Variants in EPN2 observed in about 807,000 individuals in gnomAD.
The protein encoded by EPN2 is epsin 2, also known as epsin-2.
Under a neutral mutation model 61.7 loss-of-function variants are expected in EPN2, and 34 were observed. The observed-to-expected ratio is 0.55, with a 90% CI of 0.42 to 0.73. The LOEUF (loss-of-function observed/expected upper bound fraction) is 0.73. Among genes scored for constraint, EPN2 ranks in the 30% least tolerant of loss-of-function variants. EPN2 has a pLI of 0.00. For synonymous variants in EPN2, 349 were observed against 353.6 expected, an observed-to-expected ratio of 0.99 and a Z score of 0.15; for missense variants, 714 against 839.2, an observed-to-expected ratio of 0.85 and a Z score of 1.84.
Position 19,313,264 on chromosome 17 carries a change from C to T in EPN2, c.1132C>T (p.Pro378Ser). ...GPAAPASTSD[P>S]WPSFGTKPAA... ...AGCGGCTCCTGCGAGTACTTCAGAC[C>T]CCTGGCCATCGTTTGGTAAAGACCC... The change falls in exon 7 of 11, where the codon CCC becomes TCC. Residue 378 changes from proline to serine, a missense_variant. Transcript: ENST00000314728. The T allele has an allele frequency of 6.5e-7, 1 of 1,547,092 alleles. No individual in the cohort carries two copies. Among genetic ancestry groups the T allele is most frequent in the East Asian group, 2.3e-5 (1 of 42,970 alleles).
chr17:19,283,134 TA>T lies in EPN2; in HGVS notation c.16del (p.Ile6SerfsTer5). 1 of 1,607,044 alleles carries T rather than the reference TA, an allele frequency of 6.2e-7. No individual in the cohort carries two copies. The highest frequency in any genetic ancestry group is 8.5e-7 in the Non-Finnish European group (1 of 1,177,120). ...AGAAAATAAAAATGACGACTTCGTC[TA>T]TCAGACGGCAGATGAAAAACATCGT... MTTSS[I>X]RRQMKNIVNN... On this transcript the variant is annotated frameshift_variant, in exon 3 of 11. Transcript: ENST00000314728. LOFTEE classifies it high-confidence loss of function. This position sits in a 1 kb window ranked among gnomAD's most constrained non-coding sequence, Gnocchi z 7.0.
intron 4 of EPN2, among the ~76,000 whole-genome samples, chr17:19,298,127 G>A (rs2045539262): frequency 6.6e-6 from 1 of 151,664 alleles, no homozygotes; most frequent in South Asian, 2.1e-4. Context: ...GCCCTCCTCG[G>A]CCTCCCAAAG....
At chr17:19,244,140 G>A (rs2044918368) in intron 1 of EPN2, among the ~76,000 whole-genome samples, 1 of 152,164 alleles carries the variant, frequency 6.6e-6, no homozygotes, top group Admixed American at 6.6e-5. Context: ...CATCATGTAA[G>A]AAGTTTACTG....
At chr17:19,271,156 CA>C (rs748224637) in intron 1 of EPN2, among the ~76,000 whole-genome samples, 7 of 151,220 alleles carry the variant, frequency 4.6e-5, no homozygotes, top group Non-Finnish European at 8.8e-5. Context: ...GCCTTGGTCT[CA>C]GGGGGGTGGT....
intron 7 of EPN2, among the ~76,000 whole-genome samples, chr17:19,327,102 C>T (rs957564428): frequency 1.3e-5 from 2 of 152,204 alleles, no homozygotes; most frequent in Non-Finnish European, 2.9e-5. Flanking sequence ...CTGGATGGAA[C>T]ATAAACTCGT....
Position 19,283,444 on chromosome 17 carries a change from T to G in EPN2, c.325T>G (p.Phe109Val). 6.2e-7 allele frequency: 1 copy of G among 1,614,156 alleles called. No individual in the cohort carries two copies. Among genetic ancestry groups the G allele is most frequent in the Non-Finnish European group, 8.5e-7 (1 of 1,180,018 alleles). Residue 109 changes from phenylalanine to valine, a missense_variant, in exon 3 of 11, where the codon TTC (phenylalanine) becomes GTC (valine). By Grantham distance (50) the Phe-to-Val change is conservative. Around this residue, in one of 2 missense-constraint regions of EPN2, gnomAD observed 304 missense variants for 417.4 expected, o/e 0.73. Coordinates refer to ENST00000314728, the MANE Select transcript of EPN2 (RefSeq NM_014964.5). This position sits in a 1 kb window ranked among gnomAD's most constrained non-coding sequence, Gnocchi z 7.0. The stretch of plus-strand genomic sequence containing the variant: ...CTTCGCCATCCAGACCCTGAAGGAC[T>G]TCCAGTACATTGACCGAGATGGCAA... ...NIFAIQTLKD[F>V]QYIDRDGKDQ...
rs1163743678 is a variant in EPN2, at chr17:19,335,562, G to T, written c.*1308G>T. 6 of 1,332,158 alleles carry T rather than the reference G, an allele frequency of 4.5e-6. No homozygotes were observed. The highest frequency in any genetic ancestry group is 2.3e-5 in the Admixed American group (1 of 43,506). 82.5% of individuals were successfully genotyped at this position (1,332,158 alleles called of 1,614,324 possible). A position where few individuals can be genotyped will look rare whatever the true frequency, so the allele number is the denominator to read the frequency against. On this transcript the variant is annotated 3_prime_UTR_variant, in exon 11 of 11. Coordinates refer to ENST00000314728, the MANE Select transcript of EPN2 (RefSeq NM_014964.5). ...GGCAGTTGTCCCGAGGGCGTGGGGT[G>T]GGGGGTGCTTCTGTGCCCACGGGTC... is the stretch of plus-strand genomic sequence containing the variant.
intron 1 of EPN2, among the ~76,000 whole-genome samples, chr17:19,248,912 G>A (rs2044982173): frequency 6.6e-6 from 1 of 152,216 alleles, no homozygotes; most frequent in African/African-American, 2.4e-5. Context: ...TGTGAGTCGA[G>A]TCTTGAAGGA....
intron 1 of EPN2, among the ~76,000 whole-genome samples, chr17:19,278,501 A>C (rs950345522): frequency 6.6e-6 from 1 of 152,174 alleles, no homozygotes; most frequent in Non-Finnish European, 1.5e-5. Flanking sequence ...AGACTTACTC[A>C]CTATCACAGG....
chr17:19,245,199 T>C (rs2044931623), intron 1 of EPN2, among the ~76,000 whole-genome samples: 1 of 152,152 alleles, frequency 6.6e-6, no homozygotes, highest in Non-Finnish European at 1.5e-5. Flanking sequence ...AGGGCTACCC[T>C]AGATGGCTTG....
intron 7 of EPN2, among the ~76,000 whole-genome samples, chr17:19,327,203 G>A (rs144289612): frequency 2.4e-4 from 37 of 152,256 alleles, no homozygotes; most frequent in African/African-American, 7.9e-4. Flanking sequence ...ACAAGAACAA[G>A]CAGCAAAACC....
chr17:19,253,065 C>T (rs1447234970), intron 1 of EPN2, among the ~76,000 whole-genome samples: 1 of 152,184 alleles, frequency 6.6e-6, no homozygotes, highest in African/African-American at 2.4e-5. Context: ...TGTTGTGCCA[C>T]TATCTAGTTT....
intron 1 of EPN2, among the ~76,000 whole-genome samples, chr17:19,265,127 T>C (rs753133267): frequency 6.6e-6 from 1 of 152,074 alleles, no homozygotes; most frequent in Non-Finnish European, 1.5e-5. Flanking sequence ...GCATGGTGGC[T>C]CACACTTACA....
intron 1 of EPN2, among the ~76,000 whole-genome samples, chr17:19,253,506 C>G (rs1415824192): frequency 6.7e-6 from 1 of 149,774 alleles, no homozygotes; most frequent in Non-Finnish European, 1.5e-5. Context: ...CCTTGACTTC[C>G]TGGGCTCAAG....
intron 1 of EPN2, among the ~76,000 whole-genome samples, chr17:19,278,586 G>C (rs1420578706): frequency 6.6e-6 from 1 of 152,150 alleles, no homozygotes; most frequent in Non-Finnish European, 1.5e-5. Context: ...TGGGAATTCT[G>C]GGAGACACAA....
At chr17:19,328,554 C>T (rs1907005259) in intron 7 of EPN2, among the ~76,000 whole-genome samples, 157 bp from the exon 8 acceptor site, 2 of 152,018 alleles carry the variant, frequency 1.3e-5, no homozygotes, top group Admixed American at 6.5e-5. Context: ...CCAGCTGTGT[C>T]CCTCTTTGCT....
rs558731234 is a variant in EPN2, at chr17:19,250,849, T to C, written c.-294+13318T>C. ...ACCCTGCTACTTGCCCCCCTGCACC[T>C]CCCCCCTCACTTACTGCCTCTATAC... On this transcript the variant is annotated intron_variant, in intron 1 of 10. Transcript: ENST00000314728. 2.1e-5 allele frequency among the ~76,000 whole-genome samples: 3 copies of C among 142,688 alleles called. No homozygotes were observed. The East Asian group carries it at 7.1e-4, about 34-fold the overall frequency. 93.6% of individuals were successfully genotyped at this position (142,688 alleles called of 152,430 possible). A position where few individuals can be genotyped will look rare whatever the true frequency, so the allele number is the denominator to read the frequency against.
At chr17:19,278,559 G>A (rs1404524067) in intron 1 of EPN2, among the ~76,000 whole-genome samples, 2 of 152,194 alleles carry the variant, frequency 1.3e-5, no homozygotes, top group African/African-American at 4.8e-5. Flanking sequence ...CCTCTCCCGG[G>A]TCCCTTCCAC....
intron 1 of EPN2, among the ~76,000 whole-genome samples, chr17:19,277,420 A>AAAAG (rs1326977844): frequency 1.3e-5 from 2 of 150,722 alleles, no homozygotes; most frequent in East Asian, 3.9e-4. Flanking sequence ...AAAAAAAAAA[A>AAAAG]AGAGAGAAAT....
Sources: allele counts gnomAD v4.1 joint callset (sites outside exome capture counted in the v4.1 genomes callset), GRCh38; gene constraint gnomAD v4.1.1; regional missense constraint gnomAD v4.1.1; non-coding constraint Gnocchi (gnomAD v3.1); transcripts MANE v1.5; gene names NCBI Gene and HGNC (gene_info 2026-07-23, HGNC 2026-07-21).